EIF4G3: variants seen among roughly 807,000 people sequenced by gnomAD.
EIF4G3 encodes eukaryotic translation initiation factor 4 gamma 3.
EIF4G3 carries 34 observed loss-of-function variants against 186.4 expected under a neutral mutation model. The ratio of observed to expected loss-of-function variants is 0.18; its 90% CI spans 0.14 to 0.24. EIF4G3 has a LOEUF of 0.24. Ranked by LOEUF, EIF4G3 falls within the 10% of genes least tolerant of loss-of-function variation. EIF4G3 has a pLI of 1.00. For missense variants in EIF4G3, 1,536 were observed against 1,948.5 expected (o/e 0.79, Z 3.99); for synonymous variants, 673 against 679.5 (o/e 0.99, Z 0.15).
intron 4 of EIF4G3, among the ~76,000 whole-genome samples, chr1:21,017,468 A>G (rs2089462748): frequency 6.6e-6 from 1 of 151,978 alleles, no homozygotes; most frequent in Non-Finnish European, 1.5e-5. Flanking sequence ...CTCTACTAAA[A>G]ATGCAAAAAA....
At chr1:20,876,443 TA>T (rs386366428) in intron 20 of EIF4G3, among the ~76,000 whole-genome samples, 294 of 80,852 alleles carry the variant, frequency 3.6e-3, no homozygotes, top group East Asian at 6.9e-3. Context: ...ATTTATTAAG[TA>T]AAAAAAAAAA....
intron 4 of EIF4G3, among the ~76,000 whole-genome samples, chr1:21,029,414 C>T (rs536983598): frequency 6.6e-6 from 1 of 152,034 alleles, no homozygotes; most frequent in East Asian, 1.9e-4. Context: ...GAGGAAAAGA[C>T]CTGCTGAGTT....
chr1:21,012,890 C>G (rs2087612966), intron 4 of EIF4G3, among the ~76,000 whole-genome samples: 1 of 152,032 alleles, frequency 6.6e-6, no homozygotes, highest in African/African-American at 2.4e-5. Context: ...GGTGAGAAAC[C>G]GTGAGTTCCC....
At chr1:20,818,600 C>T (rs2061595951) in intron 33 of EIF4G3, among the ~76,000 whole-genome samples, 2 of 152,016 alleles carry the variant, frequency 1.3e-5, no homozygotes, top group Non-Finnish European at 2.9e-5. Flanking sequence ...TGTCATTGTG[C>T]CACTGCTCTG....
chr1:21,064,012 G>C (rs1220922367), intron 3 of EIF4G3, among the ~76,000 whole-genome samples: 1 of 151,908 alleles, frequency 6.6e-6, no homozygotes, highest in Non-Finnish European at 1.5e-5. Flanking sequence ...ACAGGCATGA[G>C]CCACCATGCC....
intron 26 of EIF4G3, 52 bp downstream of exon 26, chr1:20,854,926 G>A: frequency 6.7e-7 from 1 of 1,488,890 alleles, no homozygotes; most frequent in Non-Finnish European, 9.4e-7. Flanking sequence ...TGCGCTGTAA[G>A]GCAAATGCTA....
chr1:20,939,723 G>A (rs1573186122), intron 14 of EIF4G3, among the ~76,000 whole-genome samples: 2 of 151,170 alleles, frequency 1.3e-5, no homozygotes, highest in Admixed American at 1.3e-4. Flanking sequence ...TCTCATTTTT[G>A]TAACTATCGT....
chr1:20,862,430 T>C, intron 22 of EIF4G3, 98 bp from the exon 23 acceptor site: 1 of 750,290 alleles, frequency 1.3e-6, no homozygotes. Flanking sequence ...TATTTATTTT[T>C]TTAGAGATGG....
chr1:20,978,556 T>C (rs961980870), intron 10 of EIF4G3, among the ~76,000 whole-genome samples: 4 of 152,040 alleles, frequency 2.6e-5, no homozygotes, highest in Admixed American at 2.0e-4. Context: ...CTGAATAGCA[T>C]GATAAAATCT....
intron 36 of EIF4G3, 142 bp from the exon 37 acceptor site, chr1:20,807,642 C>G: frequency 1.5e-6 from 1 of 646,872 alleles, no homozygotes; most frequent in Non-Finnish European, 2.3e-6. Flanking sequence ...ACCATACTTG[C>G]TCTTGACAGT....
Position 20,980,938 on chromosome 1 carries a change from C to T in EIF4G3, c.378+110G>A, listed in dbSNP as rs571009223. On this transcript the variant is annotated intron_variant, in intron 9 of 36. Transcript: ENST00000602326. Reference sequence around the variant, plus strand: ...GATTTGTAACCAACAAAACAGTTCACACGTCACCGAAAACTAATACCACAA... The same window carrying T: ...GATTTGTAACCAACAAAACAGTTCATACGTCACCGAAAACTAATACCACAA... 11 of 840,110 alleles carry T rather than the reference C, an allele frequency of 1.3e-5. No homozygotes were observed. The East Asian group carries it at 1.6e-4, about 13-fold the overall frequency. The allele number at this position is 840,110 out of a possible 1,614,324, so 52.0% of individuals were successfully genotyped here.
chr1:20,927,762 T>C (rs2095021534), intron 14 of EIF4G3, among the ~76,000 whole-genome samples: 1 of 152,234 alleles, frequency 6.6e-6, no homozygotes, highest in African/African-American at 2.4e-5. Context: ...AGATCCCTTA[T>C]GTTCTGATCA....
rs1267726691 is a variant in EIF4G3 at position 20,820,530 on chromosome 1, A to C, written c.4369-2992T>G. ...CTGGGTGGAAGGGGGCAGGGTCCCC[A>C]GTAAGGCCCCACCCTCAGGCCAGGG... On this transcript the variant is annotated intron_variant, in intron 33 of 36. Transcript: ENST00000602326. 2.6e-5 allele frequency among the ~76,000 whole-genome samples: 4 copies of C among 152,136 alleles called. No individual in the cohort carries two copies. The East Asian group carries it at 7.7e-4, about 29-fold the overall frequency.
chr1:20,867,000 T>C (rs2077703861), intron 20 of EIF4G3, among the ~76,000 whole-genome samples: 1 of 152,120 alleles, frequency 6.6e-6, no homozygotes, highest in Admixed American at 6.6e-5. Flanking sequence ...AAGAGAGAAA[T>C]GAGGACAACA....
intron 4 of EIF4G3, among the ~76,000 whole-genome samples, chr1:21,036,131 A>G (rs1260818169): frequency 1.3e-5 from 2 of 150,956 alleles, no homozygotes; most frequent in African/African-American, 2.4e-5. Flanking sequence ...GGCAGAGAGG[A>G]GCCACCCACT....
At chr1:21,101,765 A>G (rs1018385385) in intron 2 of EIF4G3, among the ~76,000 whole-genome samples, 8 of 152,038 alleles carry the variant, frequency 5.3e-5, no homozygotes, top group Non-Finnish European at 1.0e-4. Flanking sequence ...TATTATATTT[A>G]TTACATCATT....
At chr1:20,945,885 A>G (rs138442669) in intron 13 of EIF4G3, among the ~76,000 whole-genome samples, 115 of 152,358 alleles carry the variant, frequency 7.5e-4, no homozygotes, top group African/African-American at 2.5e-3. Context: ...ACATATGTGC[A>G]TAGGGGAAAG....
Position 21,002,852 on chromosome 1 carries a change from T to C in EIF4G3, c.-66-44A>G, listed in dbSNP as rs41265979. On this transcript the variant is annotated intron_variant, in intron 4 of 36. Coordinates refer to ENST00000602326, the MANE Select transcript of EIF4G3 (RefSeq NM_001391906.1). Reference sequence around the variant, plus strand: ...AACAATATAATATTTTGAAAAAATATGGCATGGCAATTCTAGTTCAAGATG... The same window carrying C: ...AACAATATAATATTTTGAAAAAATACGGCATGGCAATTCTAGTTCAAGATG... The C allele has an allele frequency of 8.1e-3, 9,247 of 1,135,506 alleles. 89 individuals carry two copies. The highest frequency in any genetic ancestry group is 0.029 in the South Asian group (2,069 of 72,524). The allele number at this position is 1,135,506 out of a possible 1,614,324, so 70.3% of individuals were successfully genotyped here.
chr1:20,886,697 T>C (rs575879799), intron 18 of EIF4G3, among the ~76,000 whole-genome samples: 1 of 152,198 alleles, frequency 6.6e-6, no homozygotes, highest in Non-Finnish European at 1.5e-5. Flanking sequence ...GTCACTTCAA[T>C]AATTACAAAA....
Sources: allele counts gnomAD v4.1 joint callset (sites outside exome capture counted in the v4.1 genomes callset), GRCh38; gene constraint gnomAD v4.1.1; transcripts MANE v1.5; gene names NCBI Gene and HGNC (gene_info 2026-07-23, HGNC 2026-07-21).